Variants in USH2A observed in about 807,000 individuals in gnomAD.
The protein encoded by USH2A is Usher syndrome 2A (autosomal recessive, mild).
USH2A carries 443 observed loss-of-function variants against 538.9 expected under a neutral mutation model. The observed-to-expected ratio is 0.82, with a 90% CI of 0.76 to 0.89. The LOEUF (loss-of-function observed/expected upper bound fraction) is 0.89. Ranked by LOEUF, USH2A falls within the 40% of genes least tolerant of loss-of-function variation. The pLI, the probability that USH2A is intolerant of heterozygous loss-of-function variation, is 0.00. For missense variants in USH2A, 6,633 were observed against 6,324.8 expected (o/e 1.05, Z -1.65); for synonymous variants, 2,413 against 2,273.5 (o/e 1.06, Z -1.75).
intron 67 of USH2A, among the ~76,000 whole-genome samples, chr1:215,643,399 A>G (rs138012090): frequency 3.5e-4 from 54 of 152,288 alleles, no homozygotes; most frequent in African/African-American, 1.2e-3. Flanking sequence ...AACCTGTATC[A>G]TAGTCATTTC....
intron 21 of USH2A, among the ~76,000 whole-genome samples, chr1:216,112,734 T>C (rs1055494046): frequency 2.6e-5 from 4 of 152,118 alleles, no homozygotes; most frequent in Admixed American, 2.6e-4. Flanking sequence ...CCTGCATTAG[T>C]TTGCTAACGG....
At chr1:215,821,867 T>C (rs1375230290) in intron 47 of USH2A, among the ~76,000 whole-genome samples, 1 of 151,892 alleles carries the variant, frequency 6.6e-6, no homozygotes, top group African/African-American at 2.4e-5. Context: ...CCCAGTGCCA[T>C]TTATTAAAAA....
chr1:215,819,084 T>A (rs1662937558), intron 47 of USH2A, among the ~76,000 whole-genome samples: 1 of 151,872 alleles, frequency 6.6e-6, no homozygotes, highest in Admixed American at 6.6e-5. Context: ...ATCACAAATA[T>A]GTGTAGCGTA....
chr1:215,674,101 T>C lies in USH2A; in HGVS notation c.13810A>G (p.Arg4604Gly), dbSNP rs1558047520. 1.2e-6 allele frequency: 2 copies of C among 1,614,064 alleles called. No homozygotes were observed. Among genetic ancestry groups the C allele is most frequent in the Non-Finnish European group, 1.7e-6 (2 of 1,179,978 alleles). The part of the protein sequence containing the change: ...YIVNQLKPFH[R>G]YEIRIQACTT... ...GAAAACCGAGACATGGCTACCTACC[T>C]GTGAAATGGCTTCAGCTGGTTTACT... Residue 4604 changes from arginine (R) to glycine (G), a missense_variant and splice_region_variant, in exon 63 of 72, where the codon AGG becomes GGG. Coordinates refer to ENST00000307340, the MANE Select transcript of USH2A (RefSeq NM_206933.4).
chr1:215,944,219 T>C (rs1215315858), intron 37 of USH2A, among the ~76,000 whole-genome samples: 3 of 152,306 alleles, frequency 2.0e-5, no homozygotes, highest in African/African-American at 7.2e-5. Flanking sequence ...ATTATCTTTC[T>C]AGGAATTTTC....
intron 22 of USH2A, among the ~76,000 whole-genome samples, chr1:216,092,078 A>T (rs150494171): frequency 1.3e-5 from 2 of 152,344 alleles, no homozygotes; most frequent in African/African-American, 4.8e-5. Flanking sequence ...ATATCTGTGT[A>T]ATCATTACAA....
intron 37 of USH2A, among the ~76,000 whole-genome samples, chr1:215,962,333 G>A (rs1267490931): frequency 6.6e-6 from 1 of 152,056 alleles, no homozygotes; most frequent in East Asian, 1.9e-4. Context: ...TACTTGCAAA[G>A]TGTGAAAGGA....
At chr1:215,774,310 T>G (rs757456523) in intron 55 of USH2A, among the ~76,000 whole-genome samples, 2 of 151,938 alleles carry the variant, frequency 1.3e-5, no homozygotes, top group Non-Finnish European at 2.9e-5. Flanking sequence ...ATCTTCCTGA[T>G]CCCAAGACGC....
At chr1:216,347,394 G>A (rs1489215371) in intron 4 of USH2A, among the ~76,000 whole-genome samples, 1 of 152,018 alleles carries the variant, frequency 6.6e-6, no homozygotes. Flanking sequence ...GATATCCAGT[G>A]TTTTAAACCT....
intron 61 of USH2A, among the ~76,000 whole-genome samples, chr1:215,707,328 C>T (rs779247574): frequency 6.6e-6 from 1 of 152,164 alleles, no homozygotes; most frequent in Non-Finnish European, 1.5e-5. Context: ...CAGCAGTCAA[C>T]TTAGAAGAAT....
intron 41 of USH2A, among the ~76,000 whole-genome samples, chr1:215,884,727 T>G (rs1015970677): frequency 6.6e-6 from 1 of 152,222 alleles, no homozygotes; most frequent in African/African-American, 2.4e-5. Context: ...GGATGATGAT[T>G]AAGACTCAAC....
intron 40 of USH2A, among the ~76,000 whole-genome samples, chr1:215,890,939 T>C (rs571425536): frequency 6.6e-6 from 1 of 152,204 alleles, no homozygotes; most frequent in African/African-American, 2.4e-5. Flanking sequence ...TAATATACAC[T>C]TAAAAATCAG....
chr1:215,743,236 A>G lies in USH2A; in HGVS notation c.11489T>C (p.Leu3830Pro). The G allele has an allele frequency of 6.2e-7, 1 of 1,612,680 alleles. No individual in the cohort carries two copies. Among genetic ancestry groups the G allele is most frequent in the African/African-American group, 1.3e-5 (1 of 74,774 alleles). ...TGTGAATGGAGTCAAATTTTCCAGA[A>G]GGGTGGATTGATGATGACCAACGGA... is the stretch of plus-strand genomic sequence containing the variant. The part of the protein sequence containing the change: ...AFSVGHHQST[L>P]LENLTPFTQY... Residue 3830 changes from leucine to proline, a missense_variant, in exon 59 of 72, where the codon CTT (leucine) becomes CCT (proline). By Grantham distance (98) the Leu-to-Pro change is moderately conservative (BLOSUM62 -3). Coordinates refer to ENST00000307340, the MANE Select transcript of USH2A (RefSeq NM_206933.4).
intron 37 of USH2A, among the ~76,000 whole-genome samples, chr1:215,946,699 T>C (rs1666766340): frequency 6.6e-6 from 1 of 152,210 alleles, no homozygotes; most frequent in African/African-American, 2.4e-5. Flanking sequence ...CATATGGCTA[T>C]TGAGCACTTG....
chr1:215,889,012 G>A lies in USH2A; in HGVS notation c.7637C>T (p.Ser2546Leu). The change falls in exon 41 of 72, where the codon TCA becomes TTA. Residue 2546 changes from serine to leucine, a missense_variant. Physicochemically the swap from Ser to Leu is moderately radical, Grantham distance 145. Transcript: ENST00000307340. ...VVPPILLDVK[S>L]RMMLVTWQHP... ...CTGCCAGGTGACCAACATCATTCTT[G>A]ACTTCACATCCAGAAGAATCGGAGG... 1 of 1,613,920 alleles carries A rather than the reference G, an allele frequency of 6.2e-7. No homozygotes were observed. The highest frequency in any genetic ancestry group is 8.5e-7 in the Non-Finnish European group (1 of 1,180,002).
intron 4 of USH2A, among the ~76,000 whole-genome samples, chr1:216,360,585 A>C (rs758662665): frequency 7.2e-5 from 11 of 152,072 alleles, no homozygotes; most frequent in Non-Finnish European, 1.2e-4. Context: ...AATATACCAT[A>C]TACCGCTCTG....
intron 55 of USH2A, among the ~76,000 whole-genome samples, chr1:215,767,788 T>C (rs1338129545): frequency 6.6e-6 from 1 of 152,160 alleles, no homozygotes; most frequent in Non-Finnish European, 1.5e-5. Flanking sequence ...CAAAGTAGTA[T>C]TTCATTCTAG....
intron 70 of USH2A, chr1:215,629,897 T>A (rs1375444029): frequency 1.0e-5 from 3 of 291,156 alleles, no homozygotes; most frequent in African/African-American, 6.8e-5. Context: ...TGCCTCAGCC[T>A]CCCGAGTAGC....
At chr1:215,798,866 C>G (rs757006302) in intron 50 of USH2A, 41 bp downstream of exon 50, 5 of 1,611,584 alleles carry the variant, frequency 3.1e-6, no homozygotes, top group Admixed American at 1.7e-5. Flanking sequence ...CTCTGCTTCT[C>G]AGATCCTCCA....
Sources: gnomAD v4.1 joint callset for allele counts (sites outside exome capture counted in the v4.1 genomes callset) on GRCh38, gnomAD v4.1.1 for gene constraint, MANE v1.5 for transcripts, NCBI Gene and HGNC (gene_info 2026-07-23, HGNC 2026-07-21) for gene names.